CLDN10: variants seen among roughly 807,000 people sequenced by gnomAD.
CLDN10 encodes the protein claudin 10.
Under a neutral mutation model 22.9 loss-of-function variants are expected in CLDN10, and 15 were observed. The observed-to-expected ratio is 0.65, with a 90% CI of 0.44 to 1.01. CLDN10 has a LOEUF of 1.01. CLDN10 is among the 50% of genes least tolerant of loss of function. The pLI is 0.00. For missense variants in CLDN10, 247 were observed against 287.8 expected (o/e 0.86, Z 1.03); for synonymous variants, 114 against 111.4 (o/e 1.02, Z -0.15).
intron 1 of CLDN10, among the ~76,000 whole-genome samples, chr13:95,438,427 C>G (rs2042293482): frequency 6.6e-6 from 1 of 152,118 alleles, no homozygotes; most frequent in Admixed American, 6.5e-5. Flanking sequence ...TCCCCCTTAT[C>G]TGTTATCTTG....
At chr13:95,547,321 C>A (rs2043520527) in intron 1 of CLDN10, among the ~76,000 whole-genome samples, 1 of 152,144 alleles carries the variant, frequency 6.6e-6, no homozygotes, top group Non-Finnish European at 1.5e-5. Context: ...ACTCTGGGCA[C>A]CAGCCCCTTC....
chr13:95,510,464 C>A (rs2043084540), intron 1 of CLDN10, among the ~76,000 whole-genome samples: 1 of 152,098 alleles, frequency 6.6e-6, no homozygotes, highest in African/African-American at 2.4e-5. Flanking sequence ...GTGCTGGCAT[C>A]AATTAGAGAC....
At chr13:95,447,057 G>C (rs765537811) in intron 1 of CLDN10, among the ~76,000 whole-genome samples, 1 of 151,782 alleles carries the variant, frequency 6.6e-6, no homozygotes. Context: ...ATTTCCTTGG[G>C]TTGATATTTC....
At chr13:95,481,568 C>T (rs1165106961) in intron 1 of CLDN10, among the ~76,000 whole-genome samples, 4 of 152,200 alleles carry the variant, frequency 2.6e-5, no homozygotes, top group Non-Finnish European at 4.4e-5. Flanking sequence ...TTATTCAACT[C>T]TGCTGTTGGG....
intron 1 of CLDN10, among the ~76,000 whole-genome samples, chr13:95,547,090 T>C (rs71433089): frequency 0.09 from 13,592 of 150,618 alleles, 756 homozygotes; most frequent in East Asian, 0.25. Context: ...CTCCCTATGT[T>C]ACTCAGGCTG....
intron 1 of CLDN10, among the ~76,000 whole-genome samples, chr13:95,490,208 T>C (rs996691576): frequency 6.6e-5 from 10 of 152,226 alleles, no homozygotes; most frequent in African/African-American, 2.4e-4. Context: ...TGGGCTCTGT[T>C]TTGGTTCCAC....
In CLDN10 at chr13:95,560,387, T is replaced by A; in HGVS notation, c.388T>A (p.Cys130Ser). Reference sequence around the variant, plus strand: ...TTCCCTCTAATATTTGTTAGGGCTGTGCTCAATGACTGGATGTTCCCTATA... The same window carrying A: ...TTCCCTCTAATATTTGTTAGGGCTGAGCTCAATGACTGGATGTTCCCTATA... ...AGIVFILSGLCSMTGCSLYAN... is the reference protein window; with the variant it reads ...AGIVFILSGLSSMTGCSLYAN... Residue 130 changes from cysteine (C) to serine (S), a missense_variant, in exon 3 of 5, where the codon TGC becomes AGC. Physicochemically the swap from Cys to Ser is moderately radical, Grantham distance 112. Transcript: ENST00000299339. The A allele has an allele frequency of 6.2e-7, 1 of 1,613,952 alleles. No individual in the cohort carries two copies. The highest frequency in any genetic ancestry group is 1.3e-5 in the African/African-American group (1 of 75,062).
intron 1 of CLDN10, among the ~76,000 whole-genome samples, chr13:95,536,803 A>T (rs562537631): frequency 0.22 from 437 of 2,006 alleles, 5 homozygotes; most frequent in African/African-American, 0.25. Context: ...TGCCTTTTTA[A>T]AAAAAAGTTC....
chr13:95,520,017 A>AGT (rs1022422568), intron 1 of CLDN10, among the ~76,000 whole-genome samples: 3 of 127,260 alleles, frequency 2.4e-5, no homozygotes, highest in Non-Finnish European at 3.4e-5. Context: ...TGGGGAATAT[A>AGT]GTGTGTGTGT....
chr13:95,533,120 A>G (rs2043363124), intron 1 of CLDN10, among the ~76,000 whole-genome samples: 1 of 152,032 alleles, frequency 6.6e-6, no homozygotes, highest in Non-Finnish European at 1.5e-5. Context: ...TTACATCAAA[A>G]GAAAAACTAA....
chr13:95,540,316 A>G (rs2043446459), intron 1 of CLDN10, among the ~76,000 whole-genome samples: 1 of 150,080 alleles, frequency 6.7e-6, no homozygotes, highest in Admixed American at 6.7e-5. Flanking sequence ...AAATAAATAA[A>G]TAAATAAATA....
At chr13:95,552,145 T>C (rs2043572911), upstream of CLDN10, among the ~76,000 whole-genome samples, 1 of 152,218 alleles carries the variant, frequency 6.6e-6, no homozygotes, top group Non-Finnish European at 1.5e-5. Flanking sequence ...CAAAAAGAAC[T>C]GCAGAGTTTT....
At chr13:95,490,201 G>A (rs1295586813) in intron 1 of CLDN10, among the ~76,000 whole-genome samples, 1 of 152,140 alleles carries the variant, frequency 6.6e-6, no homozygotes, top group African/African-American at 2.4e-5. Flanking sequence ...GGCTATGTGG[G>A]CTCTGTTTTG....
chr13:95,469,288 G>T (rs924721388), intron 1 of CLDN10, among the ~76,000 whole-genome samples: 1 of 152,146 alleles, frequency 6.6e-6, no homozygotes, highest in African/African-American at 2.4e-5. Flanking sequence ...ATTATGATCT[G>T]AGTGATGTAG....
intron 1 of CLDN10, among the ~76,000 whole-genome samples, chr13:95,535,587 G>A (rs901312968): frequency 2.0e-5 from 3 of 151,838 alleles, no homozygotes; most frequent in African/African-American, 7.3e-5. Flanking sequence ...GTGGGGGTGA[G>A]AGGTTTAGTT....
intron 1 of CLDN10, among the ~76,000 whole-genome samples, chr13:95,558,093 G>A (rs2043660503): frequency 6.6e-6 from 1 of 152,142 alleles, no homozygotes. Flanking sequence ...TTTAATGACT[G>A]CAGTCAGAGT....
chr13:95,536,818 TG>T (rs2043405453), intron 1 of CLDN10, among the ~76,000 whole-genome samples: 1 of 152,206 alleles, frequency 6.6e-6, no homozygotes, highest in Non-Finnish European at 1.5e-5. Flanking sequence ...AAGTTCATAT[TG>T]AAATGTCTTA....
intron 3 of CLDN10, among the ~76,000 whole-genome samples, chr13:95,571,359 C>A (rs1429300568): frequency 6.6e-6 from 1 of 152,120 alleles, no homozygotes; most frequent in East Asian, 1.9e-4. Context: ...TGTAAGAATT[C>A]TCTATGAAGT....
chr13:95,439,376 G>C (rs1371957793), intron 1 of CLDN10, among the ~76,000 whole-genome samples: 2 of 147,922 alleles, frequency 1.4e-5, no homozygotes, highest in African/African-American at 5.0e-5. Flanking sequence ...ACTGAGTCTT[G>C]TTCTATTGCC....
Sources: gnomAD v4.1 joint callset for allele counts (sites outside exome capture counted in the v4.1 genomes callset) on GRCh38, gnomAD v4.1.1 for gene constraint, MANE v1.5 for transcripts, NCBI Gene and HGNC (gene_info 2026-07-23, HGNC 2026-07-21) for gene names.